TTN: variants seen among roughly 807,000 people sequenced by gnomAD.
The protein encoded by TTN is connectin.
A neutral mutation model predicts 3,223.0 loss-of-function variants in TTN; 1,525 were observed. That is an observed-to-expected ratio of 0.47 (90% CI 0.45 to 0.49). TTN has a LOEUF of 0.49. Ranked by LOEUF, TTN falls within the 20% of genes least tolerant of loss-of-function variation. TTN has a pLI of 0.00. For missense variants in TTN, 40,786 were observed against 43,424.0 expected (o/e 0.94, Z 5.40); for synonymous variants, 14,094 against 15,161.0 (o/e 0.93, Z 5.17).
intron 257 of TTN, 58 bp from the exon 258 acceptor site, chr2:178,615,846 A>G (rs1349590858): frequency 5.8e-6 from 9 of 1,539,750 alleles, no homozygotes; most frequent in African/African-American, 1.4e-5. Flanking sequence ...CGCCAACCCA[A>G]AAGATTTTTA....
Position 178,782,392 on chromosome 2 carries a change from G to C in TTN, c.3200C>G (p.Thr1067Ser). The change falls in exon 20 of 363, where the codon ACT becomes AGT. Residue 1067 changes from threonine to serine, a missense_variant. By Grantham distance (58) the Thr-to-Ser change is moderately conservative (BLOSUM62 1). Transcript: ENST00000589042. Reference protein sequence around the residue: ...VESRDVVMTDTSLTEEQAGPG... With the variant: ...VESRDVVMTDSSLTEEQAGPG... ...CCCTGCTTGTTCCTCTGTGAGGCTA[G>C]TATCAGTCATAACCACATCTCTTGA... 6.2e-7 allele frequency: 1 copy of C among 1,614,056 alleles called. No individual in the cohort carries two copies. Among genetic ancestry groups the C allele is most frequent in the Non-Finnish European group, 8.5e-7 (1 of 1,179,986 alleles).
chr2:178,688,824 C>G (rs1000813066), intron 125 of TTN, 46 bp from the exon 126 acceptor site: 3 of 1,462,396 alleles, frequency 2.1e-6, no homozygotes, highest in Non-Finnish European at 2.9e-6. Flanking sequence ...AGAATTTTAA[C>G]AATTCTCACT....
chr2:178,737,979 T>C (rs1448305359), intron 49 of TTN, 103 bp downstream of exon 49: 2 of 1,459,560 alleles, frequency 1.4e-6, no homozygotes, highest in African/African-American at 2.8e-5. Context: ...GTTGTTGGTC[T>C]CTCCAGTTGG....
rs1481239026 is a variant in TTN, at chr2:178,731,073, G to A, written c.17592C>T (p.Thr5864=). ...CACTGATTTTATATTTTGAGCCCAG[G>A]GTCAGTTCTTGGCCATCTTTAAACC... ...AKWFKDGQEL[T]LGSKYKISVT... is the part of the protein sequence containing the mutation. Residue 5864 remains threonine (T), a synonymous_variant, in exon 60 of 363, where the codon ACC becomes ACT. Transcript: ENST00000589042. The A allele has an allele frequency of 2.5e-6, 4 of 1,613,582 alleles. No homozygotes were observed. The highest frequency in any genetic ancestry group is 3.3e-5 in the Admixed American group (2 of 59,974).
chr2:178,576,700 T>G lies in TTN; in HGVS notation c.69544A>C (p.Lys23182Gln), dbSNP rs1383372565. 6.2e-7 allele frequency: 1 copy of G among 1,613,444 alleles called. No individual in the cohort carries two copies. The highest frequency in any genetic ancestry group is 1.3e-5 in the African/African-American group (1 of 74,886). The change falls in exon 325 of 363, where the codon AAA (lysine) becomes CAA (glutamine). Residue 23182 changes from lysine (K) to glutamine (Q), a missense_variant. Lys to Gln is a moderately conservative substitution (Grantham distance 53). Transcript: ENST00000589042. The surrounding 1 kb of genome is among the most constrained non-coding windows in gnomAD (Gnocchi z 4.3). Reference protein sequence around the residue: ...TGYHVERREKKSLRWVRAIKT... With the variant: ...TGYHVERREKQSLRWVRAIKT... ...ATTGCTCTCACCCATCGCAGGCTTTTCTTTTCTCTCCTTTCTACATGATAT... is the reference window on the plus strand; with the variant it reads ...ATTGCTCTCACCCATCGCAGGCTTTGCTTTTCTCTCCTTTCTACATGATAT...
chr2:178,734,549 G>A lies in TTN; in HGVS notation c.15275C>T (p.Ala5092Val). 1 of 1,606,036 alleles carries A rather than the reference G, an allele frequency of 6.2e-7. No individual in the cohort carries two copies. The highest frequency in any genetic ancestry group is 8.5e-7 in the Non-Finnish European group (1 of 1,175,134). The change falls in exon 52 of 363, where the codon GCT (alanine) becomes GTT (valine). Residue 5092 changes from alanine (A) to valine (V), a missense_variant. Physicochemically the swap from Ala to Val is moderately conservative, Grantham distance 64 (BLOSUM62 0). Coordinates refer to ENST00000589042, the MANE Select transcript of TTN (RefSeq NM_001267550.2). ...GCCTGAGACTTCACACTGAAGTAGA[G>A]CATTTGTTCCTCTCACTATGTCTGC... is the stretch of plus-strand genomic sequence containing the variant. ...EPADIVRGTN[A>V]LLQCEVSGTG...
At chr2:178,600,751 C>T in intron 288 of TTN, 103 bp downstream of exon 288, 1 of 1,375,734 alleles carries the variant, frequency 7.3e-7, no homozygotes, top group South Asian at 1.2e-5. Flanking sequence ...GCCATAGTAG[C>T]TTCCTAAGGT....
intron 360 of TTN, 48 bp from the exon 361 acceptor site, chr2:178,528,475 G>A: frequency 6.2e-7 from 1 of 1,602,464 alleles, no homozygotes; most frequent in Non-Finnish European, 8.5e-7. Context: ...TTCAGATGTG[G>A]AAGACATGGT....
In TTN at chr2:178,616,633, GA is replaced by G. The variant is rs730880371; in HGVS notation, c.48161-4del. 5 of 1,609,872 alleles carry G rather than the reference GA, an allele frequency of 3.1e-6. No individual in the cohort carries two copies. The highest frequency in any genetic ancestry group is 2.2e-5 in the South Asian group (2 of 90,562). On this transcript the variant is annotated splice_polypyrimidine_tract_variant and splice_region_variant and intron_variant, in intron 256 of 362. Transcript: ENST00000589042. ...TTCTTTGGGTGCACTTGGGCGAGCTGAAAAAAAATGCACTCACGAGTCACTG... is the reference window on the plus strand; with the variant it reads ...TTCTTTGGGTGCACTTGGGCGAGCTGAAAAAAATGCACTCACGAGTCACTG...
At chr2:178,738,948 A>G (rs1057309977) in intron 48 of TTN, among the ~76,000 whole-genome samples, 193 bp downstream of exon 48, 4 of 152,208 alleles carry the variant, frequency 2.6e-5, no homozygotes, top group African/African-American at 9.6e-5. Context: ...CATGGATATG[A>G]TAGCATAGCA....
At chr2:178,609,130 T>TAA (rs2055675434) in intron 273 of TTN, 78 bp downstream of exon 273, 1 of 1,415,988 alleles carries the variant, frequency 7.1e-7, no homozygotes, top group Non-Finnish European at 9.2e-7. Flanking sequence ...CCATTTCTTT[T>TAA]AACTCTCTCC....
chr2:178,646,800 T>C (rs2062075476), intron 215 of TTN, among the ~76,000 whole-genome samples: 1 of 152,068 alleles, frequency 6.6e-6, no homozygotes, highest in Non-Finnish European at 1.5e-5. Context: ...TGATACCGTG[T>C]TATCATTTGA....
Position 178,612,121 on chromosome 2 carries a change from T to C in TTN, c.50290A>G (p.Thr16764Ala). ...PPYALAVVDV[T>A]KRHVDLKWEP... ...CACTTTAGGTCAACATGTCGTTTTG[T>C]CACATCAACCACTGCCAGGGCGTAG... is the stretch of plus-strand genomic sequence containing the variant. The change falls in exon 267 of 363, where the codon ACA (threonine) becomes GCA (alanine). Residue 16764 changes from threonine (T) to alanine (A), a missense_variant. By Grantham distance (58) the Thr-to-Ala change is moderately conservative. Transcript: ENST00000589042. The C allele has an allele frequency of 6.2e-7, 1 of 1,612,058 alleles. No individual in the cohort carries two copies. The highest frequency in any genetic ancestry group is 2.2e-5 in the East Asian group (1 of 44,520).
chr2:178,651,138 T>C (rs890896101), intron 208 of TTN, 105 bp downstream of exon 208: 11 of 908,874 alleles, frequency 1.2e-5, no homozygotes, highest in Non-Finnish European at 1.9e-5. Flanking sequence ...ATGACAGTTT[T>C]GTAGTTGCAA....
chr2:178,597,791 A>G lies in TTN; in HGVS notation c.57291T>C (p.Ser19097=), dbSNP rs779960292. Residue 19097 remains serine, a synonymous_variant, in exon 294 of 363, where the codon AGT becomes AGC. Coordinates refer to ENST00000589042, the MANE Select transcript of TTN (RefSeq NM_001267550.2). The stretch of plus-strand genomic sequence containing the variant: ...CATGGACAACAATTCTATCTCTGAC[A>G]CTGGCATCTAGCTGAAGGTCAGGTG... The part of the protein sequence containing the change: ...LVSPDLQLDA[S]VRDRIVVHAG... The G allele has an allele frequency of 8.1e-6, 13 of 1,613,210 alleles. No homozygotes were observed. The highest frequency in any genetic ancestry group is 1.1e-5 in the Non-Finnish European group (13 of 1,179,548).
At chr2:178,663,564 A>G (rs962153789) in intron 171 of TTN, 48 bp from the exon 172 acceptor site, 10 of 1,613,656 alleles carry the variant, frequency 6.2e-6, no homozygotes, top group Admixed American at 3.3e-5. Flanking sequence ...GAAGACCACT[A>G]GAAAAATATT....
In TTN at chr2:178,651,521, T is replaced by G. The variant is rs776962499; in HGVS notation, c.39479A>C (p.Lys13160Thr). 1 of 1,613,006 alleles carries G rather than the reference T, an allele frequency of 6.2e-7. No homozygotes were observed. The highest frequency in any genetic ancestry group is 1.1e-5 in the South Asian group (1 of 90,940). The change falls in exon 207 of 363, where the codon AAG (lysine) becomes ACG (threonine). Residue 13160 changes from lysine (K) to threonine (T), a missense_variant. Coordinates refer to ENST00000589042, the MANE Select transcript of TTN (RefSeq NM_001267550.2). ...LPPVKVPEVP[K>T]EVVPEKKVPL... ...CACCTTCTTTTCAGGAACAACCTCC[T>G]TGGGCACCTCGGGCACTATAAAAGA...
At position 178,712,909 on chromosome 2, in the gene TTN, G is replaced by A. The variant is rs1560585408; in HGVS notation, c.27116C>T (p.Thr9039Ile). The change falls in exon 94 of 363, where the codon ACA becomes ATA. Residue 9039 changes from threonine (T) to isoleucine (I), a missense_variant. By Grantham distance (89) the Thr-to-Ile change is moderately conservative (BLOSUM62 -1). Coordinates refer to ENST00000589042, the MANE Select transcript of TTN (RefSeq NM_001267550.2). ...DVLTGTNVTF[T>I]SIVKGTPPFS... ...AGGAGGTGTTCCTTTTACGATACTTGTGAAAGTTACATTGGTCCCAGTTAA... is the reference window on the plus strand; with the variant it reads ...AGGAGGTGTTCCTTTTACGATACTTATGAAAGTTACATTGGTCCCAGTTAA... 1 of 1,613,292 alleles carries A rather than the reference G, an allele frequency of 6.2e-7. No individual in the cohort carries two copies. Among genetic ancestry groups the A allele is most frequent in the Non-Finnish European group, 8.5e-7 (1 of 1,179,574 alleles).
Position 178,543,608 on chromosome 2 carries a change from A to G in TTN, c.96365T>C (p.Val32122Ala). 1 of 1,604,704 alleles carries G rather than the reference A, an allele frequency of 6.2e-7. No homozygotes were observed. Among genetic ancestry groups the G allele is most frequent in the Non-Finnish European group, 8.5e-7 (1 of 1,179,374 alleles). Reference sequence around the variant, plus strand: ...CGTGGGAATTTCCCAAGTTATAGTCACAGAATCTCTTGATACTTCCTTAAC... The same window carrying G: ...CGTGGGAATTTCCCAAGTTATAGTCGCAGAATCTCTTGATACTTCCTTAAC... ...VKVKEVSRDS[V>A]TITWEIPTID... The change falls in exon 347 of 363, where the codon GTG becomes GCG. Residue 32122 changes from valine (V) to alanine (A), a missense_variant. Val to Ala is a moderately conservative substitution (Grantham distance 64). Coordinates refer to ENST00000589042, the MANE Select transcript of TTN (RefSeq NM_001267550.2).
Sources: gnomAD v4.1 joint callset for allele counts (sites outside exome capture counted in the v4.1 genomes callset) on GRCh38, gnomAD v4.1.1 for gene constraint, Gnocchi (gnomAD v3.1) non-coding constraint, MANE v1.5 for transcripts, NCBI Gene and HGNC (gene_info 2026-07-23, HGNC 2026-07-21) for gene names.